The following ALDH1L2 variants were observed in gnomAD, a reference collection of about 807,000 sequenced individuals.
The protein encoded by ALDH1L2 is aldehyde dehydrogenase 1 family member L2.
Under a neutral mutation model 111.0 loss-of-function variants are expected in ALDH1L2, and 91 were observed. The observed-to-expected ratio is 0.82, with a 90% CI of 0.69 to 0.98. ALDH1L2 has a LOEUF of 0.98. Among genes scored for constraint, ALDH1L2 ranks in the 50% least tolerant of loss-of-function variants. The pLI is 0.00. For missense variants in ALDH1L2, 995 were observed against 1,126.8 expected (o/e 0.88, Z 1.67); for synonymous variants, 374 against 392.6 (o/e 0.95, Z 0.56).
rs1157248492 is a variant in ALDH1L2 at position 105,023,539 on chromosome 12, A to G, written c.*885T>C. On this transcript the variant is annotated 3_prime_UTR_variant, in exon 23 of 23. Transcript: ENST00000258494. ...AAATCAGAGTTAAATTTGAGTACTT[A>G]CCATGAGCAAAGCATTAATGTGAGG... The G allele has an allele frequency of 6.6e-6, 1 of 152,206 alleles. No individual in the cohort carries two copies. The highest frequency in any genetic ancestry group is 2.4e-5 in the African/African-American group (1 of 41,456). 9.4% of individuals were successfully genotyped at this position (152,206 alleles called of 1,614,324 possible). A position where few individuals can be genotyped will look rare whatever the true frequency, so the allele number is the denominator to read the frequency against.
In ALDH1L2 at chr12:105,068,715, T is replaced by C; in HGVS notation, c.594+4A>G. 1 of 1,472,638 alleles carries C rather than the reference T, an allele frequency of 6.8e-7. No homozygotes were observed. The highest frequency in any genetic ancestry group is 9.0e-7 in the Non-Finnish European group (1 of 1,109,138). The allele number at this position is 1,472,638 out of a possible 1,614,324, so 91.2% of individuals were successfully genotyped here. A position where few individuals can be genotyped will look rare whatever the true frequency, so the allele number is the denominator to read the frequency against. The stretch of plus-strand genomic sequence containing the variant: ...CTAAATTCTGGGTGGCAAAATATAC[T>C]AACCATGGCCTTGATTCCTTCAGGA... On this transcript the variant is annotated splice_donor_region_variant and intron_variant, in intron 4 of 22. Coordinates refer to ENST00000258494, the MANE Select transcript of ALDH1L2 (RefSeq NM_001034173.4).
rs942899114 is a variant in ALDH1L2 at position 105,039,734 on chromosome 12, A to C, written c.2024T>G (p.Ile675Ser). Residue 675 changes from isoleucine to serine, a missense_variant, in exon 17 of 23, where the codon ATT becomes AGT. Coordinates refer to ENST00000258494, the MANE Select transcript of ALDH1L2 (RefSeq NM_001034173.4). ...RKLGFTGSTP[I>S]GKQIMKSCAV... ...ATACCTCTTCATGATCTGTTTGCCA[A>C]TAGGAGTGGATCCAGTGAAACCAAG... The C allele has an allele frequency of 1.2e-6, 2 of 1,614,042 alleles. No homozygotes were observed. Among genetic ancestry groups the C allele is most frequent in the Admixed American group, 3.3e-5 (2 of 60,018 alleles).
chr12:105,053,730 G>A (rs1374195635), intron 10 of ALDH1L2, among the ~76,000 whole-genome samples: 1 of 152,082 alleles, frequency 6.6e-6, no homozygotes, highest in East Asian at 1.9e-4. Flanking sequence ...CATGGGAATT[G>A]ATGTGTTCAG....
chr12:105,061,688 G>A lies in ALDH1L2; in HGVS notation c.986C>T (p.Thr329Met), dbSNP rs144485296. ...CAGTTCTACCACTGACGTCTCACCC[G>A]TTGAAAAGTACTGAGAGGCAGGGAT... ...KMIPASQYFSTGETSVVELTA... is the reference protein window; with the variant it reads ...KMIPASQYFSMGETSVVELTA... Residue 329 changes from threonine (T) to methionine (M), a missense_variant, in exon 8 of 23, where the codon ACG (threonine) becomes ATG (methionine). Coordinates refer to ENST00000258494, the MANE Select transcript of ALDH1L2 (RefSeq NM_001034173.4). 2.2e-4 allele frequency: 360 copies of A among 1,614,060 alleles called. 3 individuals carry two copies. The East Asian group carries it at 6.2e-3, about 28-fold the overall frequency.
At position 105,046,962 on chromosome 12, in the gene ALDH1L2, G is replaced by T; in HGVS notation, c.1694C>A (p.Thr565Asn). 1 of 1,613,978 alleles carries T rather than the reference G, an allele frequency of 6.2e-7. No individual in the cohort carries two copies. Among genetic ancestry groups the T allele is most frequent in the Non-Finnish European group, 8.5e-7 (1 of 1,179,874 alleles). ...TGGACGGGCCTGGTTGATTGGAATAGTAGAACCCTAAAGAATGAGAAAAGT... is the reference window on the plus strand; with the variant it reads ...TGGACGGGCCTGGTTGATTGGAATATTAGAACCCTAAAGAATGAGAAAAGT... ...AGWCDKIQGS[T>N]IPINQARPNR... is the part of the protein sequence containing the mutation. The change falls in exon 14 of 23, where the codon ACT becomes AAT. Residue 565 changes from threonine to asparagine, a missense_variant. Transcript: ENST00000258494.
At chr12:105,028,516 T>C (rs1218906674) in intron 21 of ALDH1L2, among the ~76,000 whole-genome samples, 1 of 152,202 alleles carries the variant, frequency 6.6e-6, no homozygotes, top group Admixed American at 6.5e-5. Context: ...CAGGTTTCAG[T>C]GTAGTGCCTT....
intron 4 of ALDH1L2, 104 bp downstream of exon 4, chr12:105,068,615 T>TTA: frequency 8.5e-7 from 1 of 1,171,300 alleles, no homozygotes. Flanking sequence ...TTTTTAAACT[T>TTA]TATATTTTTG....
In ALDH1L2 at chr12:105,021,627, A is replaced by C. The variant is rs1874165166; in HGVS notation, c.*2797T>G. The C allele has an allele frequency of 6.6e-6, 1 of 152,126 alleles. No individual in the cohort carries two copies. The highest frequency in any genetic ancestry group is 6.6e-5 in the Admixed American group (1 of 15,256). 9.4% of individuals were successfully genotyped at this position (152,126 alleles called of 1,614,324 possible). On this transcript the variant is annotated 3_prime_UTR_variant, in exon 23 of 23. Coordinates refer to ENST00000258494, the MANE Select transcript of ALDH1L2 (RefSeq NM_001034173.4). ...ATAATGGCTTAGGGGTAGAGGTAGT[A>C]AGAAAAGCACGTTGATTTCTTCATT...
chr12:105,030,296 T>C, intron 21 of ALDH1L2, 28 bp downstream of exon 21: 1 of 1,588,178 alleles, frequency 6.3e-7, no homozygotes, highest in South Asian at 1.1e-5. Flanking sequence ...AGTCAAAACC[T>C]AAGTTACATT....
At chr12:105,084,293 T>A (rs1878483763) in intron 1 of ALDH1L2, 96 bp downstream of exon 1, 1 of 1,345,842 alleles carries the variant, frequency 7.4e-7, no homozygotes, top group African/African-American at 1.5e-5. Flanking sequence ...TAAGCATCGC[T>A]GCTCATCCCC....
rs551361642 is a variant in ALDH1L2 at position 105,067,806 on chromosome 12, G to T, written c.594+913C>A. Among the ~76,000 whole-genome samples, 380 of 152,168 alleles carry T rather than the reference G, an allele frequency of 2.5e-3. 1 individual carries two copies. Among genetic ancestry groups the T allele is most frequent in the African/African-American group, 8.7e-3 (363 of 41,498 alleles). On this transcript the variant is annotated intron_variant, in intron 4 of 22. Transcript: ENST00000258494. The stretch of plus-strand genomic sequence containing the variant: ...AGGCTATAACTAGGTCTAGAATCTG[G>T]GCTTCAGCAAATATCACTGAACACA...
Position 105,040,664 on chromosome 12 carries a change from C to T in ALDH1L2, c.1894G>A (p.Glu632Lys), listed in dbSNP as rs747143993. 3.1e-6 allele frequency: 5 copies of T among 1,614,028 alleles called. No homozygotes were observed. The Admixed American group carries it at 6.7e-5, about 22-fold the overall frequency. The change falls in exon 16 of 23, where the codon GAA becomes AAA. Residue 632 changes from glutamate to lysine, a missense_variant. Glu to Lys is a moderately conservative substitution (Grantham distance 56). Coordinates refer to ENST00000258494, the MANE Select transcript of ALDH1L2 (RefSeq NM_001034173.4). Reference protein sequence around the residue: ...VTPLTALKFAELSVKAGFPKG... With the variant: ...VTPLTALKFAKLSVKAGFPKG... ...GGAAAGCCTGCTTTCACAGACAGTT[C>T]TGCAAACTTCAAAGCAGTCAAGGGC...
Position 105,035,938 on chromosome 12 carries a change from GTA to G in ALDH1L2, c.2146-1542_2146-1541del, listed in dbSNP as rs1221175246. ...TATATATATACATATATTTATATGT[GTA>G]TATATATTATATATATACGTATATT... On this transcript the variant is annotated intron_variant, in intron 18 of 22. Coordinates refer to ENST00000258494, the MANE Select transcript of ALDH1L2 (RefSeq NM_001034173.4). 2.2e-4 allele frequency among the ~76,000 whole-genome samples: 22 copies of G among 101,342 alleles called. 6 individuals are homozygous for G. Among genetic ancestry groups the G allele is most frequent in the African/African-American group, 1.2e-3 (21 of 18,164 alleles). 66.5% of individuals were successfully genotyped at this position (101,342 alleles called of 152,430 possible).
chr12:105,031,021 T>C (rs1449400372), intron 20 of ALDH1L2, among the ~76,000 whole-genome samples: 4 of 152,354 alleles, frequency 2.6e-5, no homozygotes, highest in Non-Finnish European at 5.9e-5. Flanking sequence ...GCTATCGTCA[T>C]GTTAAAGAGA....
intron 4 of ALDH1L2, among the ~76,000 whole-genome samples, chr12:105,068,197 T>TTG (rs1877488000): frequency 6.6e-6 from 1 of 152,158 alleles, no homozygotes; most frequent in Admixed American, 6.5e-5. Flanking sequence ...ACATCAAAAT[T>TTG]ATCAGCTGGA....
At chr12:105,075,725 C>G (rs955831390) in intron 1 of ALDH1L2, among the ~76,000 whole-genome samples, 6 of 152,178 alleles carry the variant, frequency 3.9e-5, no homozygotes, top group Admixed American at 3.9e-4. Flanking sequence ...GATTTCATGA[C>G]TATAAATATG....
intron 12 of ALDH1L2, among the ~76,000 whole-genome samples, chr12:105,051,791 C>CTTTT (rs199608356): frequency 3.4e-5 from 5 of 147,044 alleles, no homozygotes; most frequent in East Asian, 2.0e-4. Flanking sequence ...CTTTTTTTTC[C>CTTTT]TTTTTTTTTT....
At chr12:105,072,050 C>T (rs1015475060) in intron 2 of ALDH1L2, among the ~76,000 whole-genome samples, 4 of 151,160 alleles carry the variant, frequency 2.6e-5, no homozygotes, top group Non-Finnish European at 4.4e-5. Context: ...CGTGCCACTA[C>T]GCTCCAGCCT....
chr12:105,070,310 G>C (rs896168508), intron 3 of ALDH1L2, among the ~76,000 whole-genome samples: 1 of 152,108 alleles, frequency 6.6e-6, no homozygotes, highest in Non-Finnish European at 1.5e-5. Flanking sequence ...AACCAATCAG[G>C]ACCTCACAAC....
Sources: allele counts gnomAD v4.1 joint callset (sites outside exome capture counted in the v4.1 genomes callset), GRCh38; gene constraint gnomAD v4.1.1; transcripts MANE v1.5; gene names NCBI Gene and HGNC (gene_info 2026-07-23, HGNC 2026-07-21).